Variants in RBFOX1 observed in about 807,000 individuals in gnomAD.
The protein encoded by RBFOX1 is RNA binding fox-1 homolog 1, also known as RNA binding protein fox-1 homolog 1.
In RBFOX1, 8 loss-of-function variants were observed where a neutral mutation model predicts 57.7. That is an observed-to-expected ratio of 0.14 (90% confidence interval 0.08 to 0.25). The LOEUF is 0.25. Among genes scored for constraint, RBFOX1 ranks in the 10% least tolerant of loss-of-function variants. The probability of loss-of-function intolerance (pLI) is 1.00; values close to 1 mark genes in which losing one functional copy is unlikely to be tolerated. For missense variants in RBFOX1, 611 were observed against 548.5 expected (o/e 1.11, Z -1.14); for synonymous variants, 326 against 222.4 (o/e 1.47, Z -4.15).
intron 2 of RBFOX1, among the ~76,000 whole-genome samples, chr16:5,585,853 A>AT (rs529221382): frequency 2.2e-4 from 33 of 152,050 alleles, no homozygotes; most frequent in South Asian, 4.2e-4. Flanking sequence ...AATTCTTGGC[A>AT]TTTTTTTTGG....
At chr16:6,612,103 A>G (rs1217355024) in intron 2 of RBFOX1, among the ~76,000 whole-genome samples, 1 of 152,092 alleles carries the variant, frequency 6.6e-6, no homozygotes, top group African/African-American at 2.4e-5. Context: ...CCTCTTGCAT[A>G]TGGTACATGA....
chr16:7,073,645 A>C (rs2057772805), intron 4 of RBFOX1, among the ~76,000 whole-genome samples: 2 of 152,016 alleles, frequency 1.3e-5, no homozygotes, highest in Non-Finnish European at 2.9e-5. Flanking sequence ...AGACTTCAAG[A>C]CCGGCCTGGG....
intron 2 of RBFOX1, among the ~76,000 whole-genome samples, chr16:5,583,704 T>C (rs1286104655): frequency 2.0e-5 from 3 of 152,238 alleles, no homozygotes; most frequent in African/African-American, 7.2e-5. Context: ...CTAAGATTTA[T>C]TGGGCTTTTA....
rs570056445 is a variant in RBFOX1 at position 6,284,841 on chromosome 16, G to A, written c.-126-32154G>A. Among the ~76,000 whole-genome samples, 80 of 152,268 alleles carry A rather than the reference G, an allele frequency of 5.3e-4. 1 individual carries two copies. The highest frequency in any genetic ancestry group is 1.1e-3 in the Admixed American group (17 of 15,300). On this transcript the variant is annotated intron_variant, in intron 1 of 15. Transcript: ENST00000550418. The stretch of plus-strand genomic sequence containing the variant: ...GACTCCGTTCACATTATATACGAGT[G>A]CATGGAGAACACATTGTTCTTCTCA...
chr16:5,449,406 C>G (rs2068352817), intron 1 of RBFOX1, among the ~76,000 whole-genome samples: 2 of 152,166 alleles, frequency 1.3e-5, no homozygotes, highest in South Asian at 4.1e-4. Context: ...TAGCACAAAC[C>G]TCAGTTTCTG....
intron 14 of RBFOX1, among the ~76,000 whole-genome samples, chr16:7,680,724 G>A (rs2074511310): frequency 6.6e-6 from 1 of 152,102 alleles, no homozygotes; most frequent in Non-Finnish European, 1.5e-5. Context: ...GGATTCTGAG[G>A]CCTTAAAGTT....
intron 2 of RBFOX1, among the ~76,000 whole-genome samples, chr16:6,567,383 G>C (rs2097281810): frequency 2.0e-5 from 3 of 152,152 alleles, no homozygotes; most frequent in African/African-American, 7.2e-5. Flanking sequence ...GAGTAGCTCA[G>C]GTTCGTTTGG....
chr16:6,065,153 G>T (rs1443116369), intron 1 of RBFOX1, among the ~76,000 whole-genome samples: 1 of 150,782 alleles, frequency 6.6e-6, no homozygotes, highest in South Asian at 2.1e-4. Context: ...TCATCCCCCA[G>T]AGTGGCTGAG....
At chr16:6,738,662 T>C (rs1377090280) in intron 3 of RBFOX1, among the ~76,000 whole-genome samples, 1 of 152,148 alleles carries the variant, frequency 6.6e-6, no homozygotes, top group Non-Finnish European at 1.5e-5. Flanking sequence ...CAGAACCCTT[T>C]ACCCCAAAAG....
At chr16:6,675,825 G>A (rs565372211) in intron 3 of RBFOX1, among the ~76,000 whole-genome samples, 1 of 152,178 alleles carries the variant, frequency 6.6e-6, no homozygotes, top group South Asian at 2.1e-4. Context: ...CTCCCACCAG[G>A]CCCCTCCCAC....
chr16:7,219,430 G>T (rs1030461642), intron 4 of RBFOX1, among the ~76,000 whole-genome samples: 2 of 152,118 alleles, frequency 1.3e-5, no homozygotes, highest in East Asian at 1.9e-4. Context: ...TTGAAAGTTT[G>T]GGGGGAAAGA....
intron 3 of RBFOX1, among the ~76,000 whole-genome samples, chr16:6,797,003 C>T (rs571570192): frequency 1.3e-5 from 2 of 152,238 alleles, no homozygotes; most frequent in South Asian, 4.2e-4. Context: ...ATGCCACGGG[C>T]AGTCTAAATG....
At chr16:6,924,721 T>A (rs2075203677) in intron 3 of RBFOX1, among the ~76,000 whole-genome samples, 2 of 152,054 alleles carry the variant, frequency 1.3e-5, no homozygotes, top group African/African-American at 4.8e-5. Context: ...AGGGTACATG[T>A]GCACAACGTG....
At chr16:6,159,069 ATTT>A (rs1250867687) in intron 1 of RBFOX1, among the ~76,000 whole-genome samples, 1 of 151,734 alleles carries the variant, frequency 6.6e-6, no homozygotes, top group Non-Finnish European at 1.5e-5. Flanking sequence ...TGCCCAGCTA[ATTT>A]TTTATTTTTA....
chr16:5,575,441 T>C (rs2046419895), intron 2 of RBFOX1, among the ~76,000 whole-genome samples: 1 of 152,202 alleles, frequency 6.6e-6, no homozygotes, highest in Admixed American at 6.5e-5. Context: ...GTTCAACTTT[T>C]GTCATTTTAT....
intron 1 of RBFOX1, among the ~76,000 whole-genome samples, chr16:6,105,865 T>C (rs1334904032): frequency 2.0e-5 from 3 of 152,134 alleles, no homozygotes; most frequent in Non-Finnish European, 2.9e-5. Flanking sequence ...TGACATTTTA[T>C]TATGGATATT....
intron 3 of RBFOX1, among the ~76,000 whole-genome samples, chr16:7,022,587 A>G (rs2039630894): frequency 6.6e-6 from 1 of 152,034 alleles, no homozygotes; most frequent in Admixed American, 6.6e-5. Flanking sequence ...AAACTTATCT[A>G]ATATTTATTG....
At chr16:7,547,364 G>C (rs555415200) in intron 5 of RBFOX1, among the ~76,000 whole-genome samples, 2 of 152,154 alleles carry the variant, frequency 1.3e-5, no homozygotes, top group Admixed American at 1.3e-4. Flanking sequence ...TGTGTCAGTT[G>C]GCACCACAGT....
chr16:7,243,718 A>T (rs1260838420), intron 4 of RBFOX1, among the ~76,000 whole-genome samples: 2 of 151,862 alleles, frequency 1.3e-5, no homozygotes, highest in Non-Finnish European at 2.9e-5. Context: ...AGCTAATTTT[A>T]TTATTCTTTT....
Sources: allele counts gnomAD v4.1 joint callset (sites outside exome capture counted in the v4.1 genomes callset), GRCh38; gene constraint gnomAD v4.1.1; transcripts MANE v1.5; gene names NCBI Gene and HGNC (gene_info 2026-07-23, HGNC 2026-07-21).